The following SLC25A42 variants were observed in gnomAD, a reference collection of about 807,000 sequenced individuals.
The protein encoded by SLC25A42 is solute carrier family 25 member 42, also known as mitochondrial coenzyme A transporter SLC25A42.
SLC25A42 carries 19 observed loss-of-function variants against 34.7 expected under a neutral mutation model. The ratio of observed to expected loss-of-function variants is 0.55; its 90% CI spans 0.38 to 0.80. The LOEUF (loss-of-function observed/expected upper bound fraction) is 0.80, where lower values mean the gene tolerates loss of function less well. Among genes scored for constraint, SLC25A42 ranks in the 30% least tolerant of loss-of-function variants. The pLI is 0.00. For synonymous variants in SLC25A42, 205 were observed against 191.2 expected (o/e 1.07, Z -0.59); for missense variants, 364 against 441.3 (o/e 0.82, Z 1.57).
intron 5 of SLC25A42, 26 bp from the exon 6 acceptor site, chr19:19,106,239 CGTCT>C: frequency 6.3e-7 from 1 of 1,582,212 alleles, no homozygotes; most frequent in Non-Finnish European, 8.6e-7. Context: ...CCCTCACTGC[CGTCT>C]CGCCTTCTCC....
chr19:19,070,062 C>T (rs1038739248), intron 1 of SLC25A42, among the ~76,000 whole-genome samples: 7 of 151,990 alleles, frequency 4.6e-5, no homozygotes, highest in Admixed American at 2.6e-4. Context: ...GGCATGATCT[C>T]GGCTCACTGC....
chr19:19,094,670 A>T (rs375720582), intron 1 of SLC25A42, among the ~76,000 whole-genome samples: 2 of 152,168 alleles, frequency 1.3e-5, no homozygotes, highest in South Asian at 2.1e-4. Flanking sequence ...ACTCACCGGC[A>T]CTGATGCCTG....
intron 2 of SLC25A42, among the ~76,000 whole-genome samples, chr19:19,099,231 A>C (rs2059782059): frequency 3.3e-5 from 5 of 152,174 alleles, no homozygotes; most frequent in African/African-American, 9.7e-5. Context: ...ACAGCTTCCG[A>C]GAAGCTAGGA....
intron 2 of SLC25A42, among the ~76,000 whole-genome samples, chr19:19,097,248 G>A (rs951915607): frequency 2.6e-5 from 4 of 152,168 alleles, no homozygotes; most frequent in Non-Finnish European, 4.4e-5. Flanking sequence ...CTGAGGTGGC[G>A]TCATCTTCCA....
intron 1 of SLC25A42, among the ~76,000 whole-genome samples, chr19:19,085,578 G>A (rs1443067710): frequency 3.9e-5 from 6 of 152,064 alleles, no homozygotes; most frequent in South Asian, 2.1e-4. Flanking sequence ...ATGGGCTTTC[G>A]CCATTTTGCT....
chr19:19,065,165 CGT>C (rs2059595017), intron 1 of SLC25A42, among the ~76,000 whole-genome samples: 1 of 152,080 alleles, frequency 6.6e-6, no homozygotes, highest in African/African-American at 2.4e-5. Context: ...CTCTGCCAAG[CGT>C]GTGTCTCGGA....
intron 1 of SLC25A42, among the ~76,000 whole-genome samples, chr19:19,089,696 C>T (rs551232173): frequency 6.6e-6 from 1 of 151,744 alleles, no homozygotes; most frequent in African/African-American, 2.4e-5. Context: ...GGTGAAACCC[C>T]GTCTCTACAG....
At chr19:19,095,277 G>A (rs1310782195) in intron 1 of SLC25A42, among the ~76,000 whole-genome samples, 1 of 151,246 alleles carries the variant, frequency 6.6e-6, no homozygotes, top group Non-Finnish European at 1.5e-5. Flanking sequence ...ATTTGAGGCT[G>A]CAGTGAGCTA....
intron 1 of SLC25A42, among the ~76,000 whole-genome samples, chr19:19,070,987 C>A (rs2059627200): frequency 8.4e-6 from 1 of 118,362 alleles, no homozygotes. Context: ...TGAATGCATA[C>A]CGTCTTTTTT....
At chr19:19,068,158 A>G (rs768112282) in intron 1 of SLC25A42, among the ~76,000 whole-genome samples, 19 of 151,794 alleles carry the variant, frequency 1.3e-4, no homozygotes, top group Non-Finnish European at 8.8e-5. Flanking sequence ...GTTCAAGACC[A>G]GCATGACCAA....
Position 19,106,362 on chromosome 19 carries a change from G to T in SLC25A42, c.474G>T (p.Arg158=). The change falls in exon 6 of 8, where the codon CGG becomes CGT. Residue 158 remains arginine, a synonymous_variant. Coordinates refer to ENST00000318596, the MANE Select transcript of SLC25A42 (RefSeq NM_178526.5). ...ACCCCCTGGACCTGGTCAGAGCGCGGATGGCCGTAACCCCGAAGGAAATGT... is the reference window on the plus strand; with the variant it reads ...ACCCCCTGGACCTGGTCAGAGCGCGTATGGCCGTAACCCCGAAGGAAATGT... ...LTYPLDLVRA[R]MAVTPKEMYS... 5 of 1,613,230 alleles carry T rather than the reference G, an allele frequency of 3.1e-6. No homozygotes were observed. Among genetic ancestry groups the T allele is most frequent in the South Asian group, 1.1e-5 (1 of 90,982 alleles).
Position 19,101,833 on chromosome 19 carries a change from C to T in SLC25A42, c.134C>T (p.Ala45Val). 1.2e-6 allele frequency: 2 copies of T among 1,613,836 alleles called. No homozygotes were observed. The highest frequency in any genetic ancestry group is 2.2e-5 in the South Asian group (2 of 91,052). Reference protein sequence around the residue: ...SSLLSGALAGALAKTAVAPLD... With the variant: ...SSLLSGALAGVLAKTAVAPLD... ...CTGCTGTCTGGGGCCCTGGCTGGTG[C>T]CCTTGCCAAAACAGCGGTAGCTCCC... The change falls in exon 3 of 8, where the codon GCC becomes GTC. Residue 45 changes from alanine (A) to valine (V), a missense_variant. Physicochemically the swap from Ala to Val is moderately conservative, Grantham distance 64. Coordinates refer to ENST00000318596, the MANE Select transcript of SLC25A42 (RefSeq NM_178526.5).
intron 1 of SLC25A42, among the ~76,000 whole-genome samples, chr19:19,078,204 T>C (rs1001774899): frequency 2.0e-5 from 3 of 152,100 alleles, no homozygotes; most frequent in Non-Finnish European, 4.4e-5. Flanking sequence ...TTGGCTGCAC[T>C]GGGCAGAAGC....
intron 1 of SLC25A42, among the ~76,000 whole-genome samples, chr19:19,089,863 C>T (rs987142342): frequency 6.6e-6 from 1 of 152,188 alleles, no homozygotes; most frequent in Non-Finnish European, 1.5e-5. Flanking sequence ...AGCGAGACTC[C>T]GTCTCAAAAA....
At chr19:19,108,976 G>A (rs1214678783) in intron 7 of SLC25A42, among the ~76,000 whole-genome samples, 1 of 152,132 alleles carries the variant, frequency 6.6e-6, no homozygotes, top group Non-Finnish European at 1.5e-5. Flanking sequence ...TAACGCTGAG[G>A]GCCCAAGTCT....
At chr19:19,082,852 C>G (rs1423511721) in intron 1 of SLC25A42, among the ~76,000 whole-genome samples, 2 of 151,862 alleles carry the variant, frequency 1.3e-5, no homozygotes, top group Non-Finnish European at 2.9e-5. Flanking sequence ...GAGTCTCCCT[C>G]TGTCACCCAG....
chr19:19,077,855 C>A (rs536601496), intron 1 of SLC25A42, among the ~76,000 whole-genome samples: 39 of 152,250 alleles, frequency 2.6e-4, no homozygotes, highest in African/African-American at 8.9e-4. Flanking sequence ...CCATTGCACT[C>A]CAGCCTGGGC....
At chr19:19,095,215 C>CAAA (rs56317817) in intron 1 of SLC25A42, among the ~76,000 whole-genome samples, 7 of 149,402 alleles carry the variant, frequency 4.7e-5, no homozygotes, top group Non-Finnish European at 8.9e-5. Flanking sequence ...AAAACAAAAA[C>CAAA]AAAAAAAAAC....
chr19:19,084,102 C>T (rs1384963866), intron 1 of SLC25A42, among the ~76,000 whole-genome samples: 1 of 151,986 alleles, frequency 6.6e-6, no homozygotes, highest in Non-Finnish European at 1.5e-5. Flanking sequence ...CTCCAGGGCC[C>T]TGCACACACC....
Sources: gnomAD v4.1 joint callset for allele counts (sites outside exome capture counted in the v4.1 genomes callset) on GRCh38, gnomAD v4.1.1 for gene constraint, MANE v1.5 for transcripts, NCBI Gene and HGNC (gene_info 2026-07-23, HGNC 2026-07-21) for gene names.